Variants in MIER1 observed in about 807,000 individuals in gnomAD.
MIER1 encodes the protein mesoderm induction early response protein 1.
Under a neutral mutation model 75.7 loss-of-function variants are expected in MIER1, and 40 were observed. The observed-to-expected ratio is 0.53, with a 90% CI of 0.41 to 0.69. MIER1 has a LOEUF of 0.69. Ranked by LOEUF, MIER1 falls within the 30% of genes least tolerant of loss-of-function variation. MIER1 has a pLI of 0.00. For missense variants in MIER1, 574 were observed against 680.2 expected (o/e 0.84, Z 1.74); for synonymous variants, 213 against 223.4 (o/e 0.95, Z 0.42).
chr1:66,959,711 G>A lies in MIER1; in HGVS notation c.667G>A (p.Glu223Lys), dbSNP rs1415847595. 6.9e-7 allele frequency: 1 copy of A among 1,441,216 alleles called. No individual in the cohort carries two copies. The highest frequency in any genetic ancestry group is 9.3e-7 in the Non-Finnish European group (1 of 1,074,748). 89.3% of individuals were successfully genotyped at this position (1,441,216 alleles called of 1,614,324 possible). ...SEVEEESEED[E>K]DYIPSEDWKK... ...AGTAGAAGAAGAATCTGAAGAAGAT[G>A]AAGATTATATTCCATCAGAAGACTG... Residue 223 changes from glutamate (E) to lysine (K), a missense_variant, in exon 7 of 14, where the codon GAA becomes AAA. This residue lies in a region of MIER1 where 309 missense variants were observed against 352.8 expected (regional missense o/e 0.88). Coordinates refer to ENST00000401041, the MANE Select transcript of MIER1 (RefSeq NM_001077700.3).
chr1:66,937,438 A>C (rs1302446663), intron 2 of MIER1, among the ~76,000 whole-genome samples: 1 of 152,008 alleles, frequency 6.6e-6, no homozygotes, highest in African/African-American at 2.4e-5. Flanking sequence ...CACAAAAGTT[A>C]GCGAGCCATG....
Position 66,986,953 on chromosome 1 carries a change from T to C in MIER1, c.*2053T>C, listed in dbSNP as rs1666861754. ...TTTTGAATTGTTGCAGTGTTGGAGA[T>C]GCCATTTTCACCTTTTTAAAAAGAT... On this transcript the variant is annotated 3_prime_UTR_variant, in exon 14 of 14. Coordinates refer to ENST00000401041, the MANE Select transcript of MIER1 (RefSeq NM_001077700.3). The C allele has an allele frequency of 6.6e-6, 1 of 152,530 alleles. No individual in the cohort carries two copies. The highest frequency in any genetic ancestry group is 2.4e-5 in the African/African-American group (1 of 41,480). The allele number at this position is 152,530 out of a possible 1,614,324, so 9.4% of individuals were successfully genotyped here.
At chr1:66,971,938 G>A (rs1408216045) in intron 10 of MIER1, among the ~76,000 whole-genome samples, 1 of 151,786 alleles carries the variant, frequency 6.6e-6, no homozygotes, top group African/African-American at 2.4e-5. Context: ...GGAAAATACA[G>A]TCATGTAAGT....
chr1:66,930,819 G>T (rs1296751488), intron 2 of MIER1, among the ~76,000 whole-genome samples: 1 of 152,122 alleles, frequency 6.6e-6, no homozygotes, highest in Non-Finnish European at 1.5e-5. Flanking sequence ...ATCCATTTGC[G>T]ACTGACATCC....
At chr1:66,945,301 AT>A (rs1558042067) in intron 3 of MIER1, among the ~76,000 whole-genome samples, 2 of 134,996 alleles carry the variant, frequency 1.5e-5, no homozygotes, top group Non-Finnish European at 3.1e-5. Context: ...ATATATATAT[AT>A]ATATATATAT....
Position 66,969,495 on chromosome 1 carries a change from A to G in MIER1, c.773-1313A>G, listed in dbSNP as rs191717877. 3.9e-3 allele frequency among the ~76,000 whole-genome samples: 564 copies of G among 143,754 alleles called. 5 individuals carry two copies. Among genetic ancestry groups the G allele is most frequent in the African/African-American group, 0.014 (541 of 37,924 alleles). The allele number at this position is 143,754 out of a possible 152,430, so 94.3% of individuals were successfully genotyped here. ...GGGAGGCGGAGGTTGCAGTGAGCCA[A>G]GATCGCGCCACTGCACTCCAGCCTG... On this transcript the variant is annotated intron_variant, in intron 8 of 13. Transcript: ENST00000401041.
At chr1:66,943,841 G>A (rs1656824703) in intron 3 of MIER1, among the ~76,000 whole-genome samples, 1 of 152,192 alleles carries the variant, frequency 6.6e-6, no homozygotes, top group African/African-American at 2.4e-5. Context: ...CTTTGAGGCA[G>A]TATACTAAAA....
At chr1:66,943,548 AGTTTT>A (rs1213992708) in intron 3 of MIER1, among the ~76,000 whole-genome samples, 5 of 150,960 alleles carry the variant, frequency 3.3e-5, no homozygotes, top group Admixed American at 2.6e-4. Context: ...CCTTTCGTTT[AGTTTT>A]GTTTCCTTTC....
At chr1:66,980,016 G>A (rs889917190) in intron 12 of MIER1, among the ~76,000 whole-genome samples, 4 of 151,538 alleles carry the variant, frequency 2.6e-5, no homozygotes, top group Admixed American at 6.6e-5. Context: ...CACCTGCCTC[G>A]GCCTCCCAAA....
chr1:66,930,556 C>A (rs1206461738), intron 2 of MIER1, among the ~76,000 whole-genome samples: 1 of 151,962 alleles, frequency 6.6e-6, no homozygotes, highest in Non-Finnish European at 1.5e-5. Context: ...GCGGGAGCTT[C>A]GCCTGGAACT....
At chr1:66,926,315 CTCT>C in intron 2 of MIER1, 73 bp downstream of exon 2, 1 of 1,194,802 alleles carries the variant, frequency 8.4e-7, no homozygotes, top group Non-Finnish European at 1.2e-6. Context: ...GATTATATTA[CTCT>C]TCTTATATGT....
Position 66,985,161 on chromosome 1 carries a change from T to C in MIER1, c.*261T>C, listed in dbSNP as rs1195861993. ...ATATCTCTACCTTCTCATTTGAATA[T>C]CTTTAGTTCATTCAGATTTACTAAT... On this transcript the variant is annotated 3_prime_UTR_variant, in exon 14 of 14. Coordinates refer to ENST00000401041, the MANE Select transcript of MIER1 (RefSeq NM_001077700.3). The C allele has an allele frequency of 4.9e-6, 5 of 1,019,878 alleles. No individual in the cohort carries two copies. The highest frequency in any genetic ancestry group is 6.0e-6 in the Non-Finnish European group (5 of 838,976). 63.2% of individuals were successfully genotyped at this position (1,019,878 alleles called of 1,614,324 possible). A position where few individuals can be genotyped will look rare whatever the true frequency, so the allele number is the denominator to read the frequency against.
At chr1:66,968,184 A>C (rs1052031949) in intron 8 of MIER1, among the ~76,000 whole-genome samples, 3 of 152,122 alleles carry the variant, frequency 2.0e-5, no homozygotes, top group African/African-American at 7.2e-5. Flanking sequence ...TAGCAGAATG[A>C]GATTGCTTTG....
intron 2 of MIER1, 130 bp downstream of exon 2, chr1:66,926,372 G>T (rs1045979037): frequency 6.2e-6 from 4 of 649,014 alleles, no homozygotes; most frequent in African/African-American, 5.5e-5. Context: ...CCAGAATTTG[G>T]GTGAGATAAA....
At chr1:66,944,645 C>T (rs904112336) in intron 3 of MIER1, among the ~76,000 whole-genome samples, 2 of 151,950 alleles carry the variant, frequency 1.3e-5, no homozygotes, top group Non-Finnish European at 2.9e-5. Flanking sequence ...AAATTTTGCT[C>T]TTCTACTCAG....
chr1:66,933,900 A>T (rs1190703432), intron 2 of MIER1, among the ~76,000 whole-genome samples: 1 of 152,356 alleles, frequency 6.6e-6, no homozygotes, highest in Non-Finnish European at 1.5e-5. Flanking sequence ...AAACACTGCC[A>T]TTGAAGCTTA....
chr1:66,984,725 C>G lies in MIER1; in HGVS notation c.1523C>G (p.Pro508Arg). 1 of 1,613,936 alleles carries G rather than the reference C, an allele frequency of 6.2e-7. No individual in the cohort carries two copies. The highest frequency in any genetic ancestry group is 8.5e-7 in the Non-Finnish European group (1 of 1,179,934). The change falls in exon 14 of 14, where the codon CCA becomes CGA. Residue 508 changes from proline to arginine, a missense_variant. By Grantham distance (103) the Pro-to-Arg change is moderately radical. Around this residue, in one of 3 missense-constraint regions of MIER1, gnomAD observed 164 missense variants for 154.3 expected, o/e 1.06. Coordinates refer to ENST00000401041, the MANE Select transcript of MIER1 (RefSeq NM_001077700.3). ...GAAACAGATAACCTTACCACTGACC[C>G]AAAACTTGCCCATATGACTGCAAGA... is the stretch of plus-strand genomic sequence containing the variant. Reference protein sequence around the residue: ...GYETDNLTTDPKLAHMTARNE... With the variant: ...GYETDNLTTDRKLAHMTARNE...
intron 4 of MIER1, among the ~76,000 whole-genome samples, chr1:66,952,131 G>A (rs1438821642): frequency 2.6e-5 from 4 of 152,190 alleles, no homozygotes; most frequent in African/African-American, 9.7e-5. Context: ...AACTGAAAAT[G>A]TACAACTTGC....
chr1:66,974,454 T>G (rs545554380), intron 11 of MIER1, among the ~76,000 whole-genome samples: 14 of 152,046 alleles, frequency 9.2e-5, no homozygotes, highest in African/African-American at 2.7e-4. Context: ...TGTTGTTGTT[T>G]TTTAACACTT....
Sources: allele counts gnomAD v4.1 joint callset (sites outside exome capture counted in the v4.1 genomes callset), GRCh38; gene constraint gnomAD v4.1.1; regional missense constraint gnomAD v4.1.1; transcripts MANE v1.5; gene names NCBI Gene and HGNC (gene_info 2026-07-23, HGNC 2026-07-21).